The following C1orf116 variants were observed in gnomAD, a reference collection of about 807,000 sequenced individuals.
The protein encoded by C1orf116 is chromosome 1 open reading frame 116.
Under a neutral mutation model 14.1 loss-of-function variants are expected in C1orf116, and 12 were observed. The ratio of observed to expected loss-of-function variants is 0.85; its 90% CI spans 0.54 to 1.38. The LOEUF is 1.38. Ranked by LOEUF, C1orf116 falls within the 40% of genes most tolerant of loss-of-function variation. The probability of loss-of-function intolerance (pLI) is 0.00; values close to 1 mark genes in which losing one functional copy is unlikely to be tolerated. For synonymous variants in C1orf116, 296 were observed against 299.0 expected, an observed-to-expected ratio of 0.99 and a Z score of 0.10; for missense variants, 797 against 747.0, an observed-to-expected ratio of 1.07 and a Z score of -0.78.
At position 207,024,955 on chromosome 1, in the gene C1orf116, T is replaced by A. The variant is rs1682026237; in HGVS notation, c.215A>T (p.Asp72Val). The A allele has an allele frequency of 6.2e-7, 1 of 1,613,860 alleles. No individual in the cohort carries two copies. Among genetic ancestry groups the A allele is most frequent in the African/African-American group, 1.3e-5 (1 of 74,842 alleles). ...GGGAGTTGTGGCTGGCTCAGACTCG[T>A]CAGTGGACAGTCCGCTGTCAGCCTC... ...DTEADSGLST[D>V]ESEPATTPRG... Residue 72 changes from aspartate to valine, a missense_variant, in exon 3 of 4, where the codon GAC (aspartate) becomes GTC (valine). Transcript: ENST00000359470.
rs747196533 is a variant in C1orf116 at position 207,022,614 on chromosome 1, G to A, written c.1150C>T (p.Leu384=). Residue 384 remains leucine, a synonymous_variant, in exon 4 of 4, where the codon CTG becomes TTG. Transcript: ENST00000359470. The part of the protein sequence containing the change: ...IRPKETRAQH[L]SPAPGLAQPA... ...TGAGCCAGACCTGGAGCTGGGGACA[G>A]ATGCTGGGCCCGTGTCTCCTTGGGT... 3 of 1,614,200 alleles carry A rather than the reference G, an allele frequency of 1.9e-6. No individual in the cohort carries two copies. The highest frequency in any genetic ancestry group is 1.1e-5 in the South Asian group (1 of 91,088).
intron 3 of C1orf116, among the ~76,000 whole-genome samples, chr1:207,024,492 T>C (rs930725164): frequency 1.3e-5 from 2 of 152,188 alleles, no homozygotes; most frequent in Non-Finnish European, 2.9e-5. Context: ...TCCTTATCTC[T>C]CCTACCCTTG....
In C1orf116 at chr1:207,022,126, C is replaced by G; in HGVS notation, c.1638G>C (p.Lys546Asn). 1.2e-6 allele frequency: 2 copies of G among 1,612,640 alleles called. No homozygotes were observed. Among genetic ancestry groups the G allele is most frequent in the South Asian group, 2.2e-5 (2 of 91,020 alleles). Residue 546 changes from lysine to asparagine, a missense_variant, in exon 4 of 4, where the codon AAG becomes AAC. Coordinates refer to ENST00000359470, the MANE Select transcript of C1orf116 (RefSeq NM_023938.6). ...TCTGCTCCTGCTCCAGGTCAGCCAG[C>G]TTGCCTACCTGGATACCTGCAAAAT... Reference protein sequence around the residue: ...GKDFAGIQVGKLADLEQEQSS... With the variant: ...GKDFAGIQVGNLADLEQEQSS...
intron 1 of C1orf116, among the ~76,000 whole-genome samples, chr1:207,031,447 C>T (rs1298275001): frequency 6.6e-6 from 1 of 152,090 alleles, no homozygotes; most frequent in Non-Finnish European, 1.5e-5. Flanking sequence ...GAGGTGAGCT[C>T]AAGCCTAAAT....
rs777729690 is a variant in C1orf116, at chr1:207,023,274, G to A, written c.490C>T (p.Leu164Phe). 31 of 1,614,000 alleles carry A rather than the reference G, an allele frequency of 1.9e-5. No individual in the cohort carries two copies. Among genetic ancestry groups the A allele is most frequent in the Middle Eastern group, 1.7e-4 (1 of 6,060 alleles). ...SSHNPGEPGR[L>F]APEPEKEQVS... ...TGTTCTTTCTCAGGCTCTGGCGCAA[G>A]CCTCCCCGGTTCTCCAGGGTTGTGA... The change falls in exon 4 of 4, where the codon CTT (leucine) becomes TTT (phenylalanine). Residue 164 changes from leucine (L) to phenylalanine (F), a missense_variant. Leu to Phe is a conservative substitution (Grantham distance 22). Coordinates refer to ENST00000359470, the MANE Select transcript of C1orf116 (RefSeq NM_023938.6).
chr1:207,029,598 C>T (rs1179638332), intron 1 of C1orf116, among the ~76,000 whole-genome samples: 2 of 152,166 alleles, frequency 1.3e-5, no homozygotes, highest in Admixed American at 1.3e-4. Flanking sequence ...GCCATCTGTT[C>T]TAGGGTCTAT....
rs191900534 is a variant in C1orf116 at position 207,019,775 on chromosome 1, G to C, written c.*2183C>G. On this transcript the variant is annotated 3_prime_UTR_variant, in exon 4 of 4. Coordinates refer to ENST00000359470, the MANE Select transcript of C1orf116 (RefSeq NM_023938.6). ...CAGATTAAGAAAACTGGAGAAATGG[G>C]CATGTCAGTAGGATGAGGATGCCTA... 3.9e-5 allele frequency: 6 copies of C among 152,328 alleles called. No individual in the cohort carries two copies. The East Asian group carries it at 1.2e-3, about 29-fold the overall frequency. The allele number at this position is 152,328 out of a possible 1,614,324, so 9.4% of individuals were successfully genotyped here.
chr1:207,024,582 C>G (rs1455455422), intron 3 of C1orf116, among the ~76,000 whole-genome samples: 1 of 152,256 alleles, frequency 6.6e-6, no homozygotes, highest in Non-Finnish European at 1.5e-5. Flanking sequence ...CTGACTCCCT[C>G]CCCCGCCTCT....
rs145735004 is a variant in C1orf116, at chr1:207,022,828, G to A, written c.936C>T (p.Ser312=). The change falls in exon 4 of 4, where the codon AGC becomes AGT. Residue 312 remains serine (S), a synonymous_variant. Coordinates refer to ENST00000359470, the MANE Select transcript of C1orf116 (RefSeq NM_023938.6). ...PPNIVLKSSR[S]SFHSDPQHWL... is the part of the protein sequence containing the mutation. ...AGTGCTGGGGGTCACTGTGGAAACT[G>A]CTTCGGCTGCTCTTCAGAACAATAT... 1.2e-6 allele frequency: 2 copies of A among 1,613,952 alleles called. No individual in the cohort carries two copies. Among genetic ancestry groups the A allele is most frequent in the African/African-American group, 2.7e-5 (2 of 74,940 alleles).
At chr1:207,029,658 C>G (rs2629684) in intron 1 of C1orf116, among the ~76,000 whole-genome samples, 17,045 of 152,162 alleles carry the variant, frequency 0.11, 3,120 homozygotes, top group African/African-American at 0.38. Context: ...CTATAACTGT[C>G]AGCTTTTACT....
intron 2 of C1orf116, among the ~76,000 whole-genome samples, chr1:207,026,466 T>C (rs1262668235): frequency 6.6e-6 from 1 of 152,254 alleles, no homozygotes. Flanking sequence ...CACGTTGGCC[T>C]CAGCCTAAAA....
rs1196894682 is a variant in C1orf116 at position 207,023,223 on chromosome 1, G to T, written c.541C>A (p.Gln181Lys). 1 of 1,610,700 alleles carries T rather than the reference G, an allele frequency of 6.2e-7. No homozygotes were observed. Among genetic ancestry groups the T allele is most frequent in the Admixed American group, 1.7e-5 (1 of 59,764 alleles). Residue 181 changes from glutamine to lysine, a missense_variant, in exon 4 of 4, where the codon CAG becomes AAG. Gln to Lys is a moderately conservative substitution (Grantham distance 53, BLOSUM62 1). Coordinates refer to ENST00000359470, the MANE Select transcript of C1orf116 (RefSeq NM_023938.6). ...GCCTCCTGGGGGCTGGCAGGTGCCT[G>T]CCTGGGTTGGCTGCTCTGGCTGACC... The part of the protein sequence containing the change: ...EQVSQSSQPR[Q>K]APASPQEAAL...
chr1:207,023,800 A>T (rs1284814462), intron 3 of C1orf116, among the ~76,000 whole-genome samples: 2 of 151,814 alleles, frequency 1.3e-5, no homozygotes, highest in Non-Finnish European at 2.9e-5. Context: ...AACATAAGAG[A>T]CCCCCATTTC....
rs759773096 is a variant in C1orf116, at chr1:207,018,730, T to A, written c.*3228A>T. 5.9e-5 allele frequency: 9 copies of A among 152,202 alleles called. No individual in the cohort carries two copies. The highest frequency in any genetic ancestry group is 2.2e-4 in the African/African-American group (9 of 41,428). The allele number at this position is 152,202 out of a possible 1,614,324, so 9.4% of individuals were successfully genotyped here. A position where few individuals can be genotyped will look rare whatever the true frequency, so the allele number is the denominator to read the frequency against. On this transcript the variant is annotated 3_prime_UTR_variant, in exon 4 of 4. Transcript: ENST00000359470. ...AGGCTGAATTTGAGCCAGATCTATA[T>A]GCTCCATCATCACTCTCCTGGGGAA...
chr1:207,032,701 A>G lies in C1orf116; in HGVS notation c.-204T>C. 1 of 985,310 alleles carries G rather than the reference A, an allele frequency of 1.0e-6. No individual in the cohort carries two copies. Among genetic ancestry groups the G allele is most frequent in the Non-Finnish European group, 1.2e-6 (1 of 829,946 alleles). The allele number at this position is 985,310 out of a possible 1,614,324, so 61.0% of individuals were successfully genotyped here. A position where few individuals can be genotyped will look rare whatever the true frequency, so the allele number is the denominator to read the frequency against. On this transcript the variant is annotated 5_prime_UTR_variant, in exon 1 of 4. Coordinates refer to ENST00000359470, the MANE Select transcript of C1orf116 (RefSeq NM_023938.6). The stretch of plus-strand genomic sequence containing the variant: ...TTCTTCTCCTTTTGAGCTCCTCCTG[A>G]CTTACCTAGATAGGTAAATGCTTCA...
chr1:207,032,471 C>T, intron 1 of C1orf116, 108 bp downstream of exon 1: 2 of 731,384 alleles, frequency 2.7e-6, no homozygotes, highest in Non-Finnish European at 3.3e-6. Context: ...GGAAATCTCC[C>T]TAGCTGGGGT....
chr1:207,022,851 T>C lies in C1orf116; in HGVS notation c.913A>G (p.Ile305Val), dbSNP rs778019573. The C allele has an allele frequency of 1.9e-6, 3 of 1,613,890 alleles. No individual in the cohort carries two copies. The highest frequency in any genetic ancestry group is 2.7e-5 in the African/African-American group (2 of 74,946). Residue 305 changes from isoleucine (I) to valine (V), a missense_variant, in exon 4 of 4, where the codon ATT becomes GTT. Physicochemically the swap from Ile to Val is conservative, Grantham distance 29. Transcript: ENST00000359470. ...CTGCTTCGGCTGCTCTTCAGAACAA[T>C]ATTAGGTGGCAGCTTCCGGGGCTTA... ...TPKPRKLPPN[I>V]VLKSSRSSFH... is the part of the protein sequence containing the mutation.
chr1:207,028,130 G>C (rs1682139375), intron 1 of C1orf116, among the ~76,000 whole-genome samples: 1 of 152,152 alleles, frequency 6.6e-6, no homozygotes, highest in Non-Finnish European at 1.5e-5. Flanking sequence ...GATTAAATGA[G>C]AGAACAGTTA....
chr1:207,030,187 G>A (rs889070683), intron 1 of C1orf116, among the ~76,000 whole-genome samples: 1 of 152,144 alleles, frequency 6.6e-6, no homozygotes, highest in Non-Finnish European at 1.5e-5. Context: ...TGGAAACATA[G>A]GCAGGATGTG....
Sources: allele counts gnomAD v4.1 joint callset (sites outside exome capture counted in the v4.1 genomes callset), GRCh38; gene constraint gnomAD v4.1.1; transcripts MANE v1.5; gene names NCBI Gene and HGNC (gene_info 2026-07-23, HGNC 2026-07-21).